Variants in POLR1A observed in about 807,000 individuals in gnomAD.
POLR1A encodes DNA-directed RNA polymerase I subunit RPA1.
A neutral mutation model predicts 205.3 loss-of-function variants in POLR1A; 84 were observed. The observed-to-expected ratio is 0.41, with a 90% CI of 0.34 to 0.49. The LOEUF is 0.49. POLR1A is among the 20% of genes least tolerant of loss of function. The pLI is 0.22. For missense variants in POLR1A, 1,645 were observed against 2,204.5 expected (o/e 0.75, Z 5.08); for synonymous variants, 799 against 863.7 (o/e 0.93, Z 1.31).
At chr2:86,054,009 G>T in intron 15 of POLR1A, 131 bp downstream of exon 15, 1 of 833,700 alleles carries the variant, frequency 1.2e-6, no homozygotes, top group Non-Finnish European at 1.9e-6. Flanking sequence ...AACAACTCAG[G>T]CACAACGCCT....
intron 3 of POLR1A, among the ~76,000 whole-genome samples, chr2:86,097,170 A>G (rs1162247526): frequency 6.9e-6 from 1 of 145,062 alleles, no homozygotes; most frequent in Non-Finnish European, 1.5e-5. Context: ...CAAAACCACA[A>G]TAAGGTTTCA....
intron 1 of POLR1A, among the ~76,000 whole-genome samples, chr2:86,103,221 G>A (rs987308977): frequency 2.2e-4 from 33 of 152,184 alleles, no homozygotes; most frequent in Admixed American, 5.9e-4. Context: ...CTTGGGCAAA[G>A]GCTGAAGGAG....
At position 86,080,988 on chromosome 2, in the gene POLR1A, G is replaced by A. The variant is rs1156695687; in HGVS notation, c.924-10C>T. Reference sequence around the variant, plus strand: ...ACTGACTGGGCGATACCTGCAGGGGGACATACGGAATAAATGAATGTTTAG... The same window carrying A: ...ACTGACTGGGCGATACCTGCAGGGGAACATACGGAATAAATGAATGTTTAG... On this transcript the variant is annotated splice_polypyrimidine_tract_variant and intron_variant, in intron 8 of 33. Transcript: ENST00000263857. 1 of 1,604,614 alleles carries A rather than the reference G, an allele frequency of 6.2e-7. No homozygotes were observed. The highest frequency in any genetic ancestry group is 2.2e-5 in the East Asian group (1 of 44,804).
rs1238021314 is a variant in POLR1A, at chr2:86,045,609, A to G, written c.2886+8T>C. 4 of 1,614,090 alleles carry G rather than the reference A, an allele frequency of 2.5e-6. No individual in the cohort carries two copies. Among genetic ancestry groups the G allele is most frequent in the Non-Finnish European group, 3.4e-6 (4 of 1,179,966 alleles). On this transcript the variant is annotated splice_region_variant and intron_variant, in intron 20 of 33. Transcript: ENST00000263857. Reference sequence around the variant, plus strand: ...GAAAAAGCTAAATGGAAAAACCAAAATACATACAGGAGGTTTGATGCCGGT... The same window carrying G: ...GAAAAAGCTAAATGGAAAAACCAAAGTACATACAGGAGGTTTGATGCCGGT...
chr2:86,045,652 C>G lies in POLR1A; in HGVS notation c.2851G>C (p.Val951Leu). The G allele has an allele frequency of 6.2e-7, 1 of 1,614,022 alleles. No homozygotes were observed. Residue 951 changes from valine (V) to leucine (L), a missense_variant, in exon 20 of 34, where the codon GTC becomes CTC. This residue lies in a region of POLR1A where 339 missense variants were observed against 415.1 expected (regional missense o/e 0.82). Coordinates refer to ENST00000263857, the MANE Select transcript of POLR1A (RefSeq NM_015425.6). ...YEFTPRAGGF[V>L]TGRFLTGIKP... Reference sequence around the variant, plus strand: ...ATGCCGGTGAGGAACCTGCCAGTGACAAAGCCACCAGCCCTGGGGGTGAAC... The same window carrying G: ...ATGCCGGTGAGGAACCTGCCAGTGAGAAAGCCACCAGCCCTGGGGGTGAAC...
chr2:86,033,150 T>C (rs1483576961), intron 28 of POLR1A, among the ~76,000 whole-genome samples: 1 of 152,204 alleles, frequency 6.6e-6, no homozygotes, highest in African/African-American at 2.4e-5. Context: ...GGCAGATATC[T>C]GATTATTTAT....
intron 19 of POLR1A, among the ~76,000 whole-genome samples, chr2:86,046,674 T>C (rs2104393597): frequency 6.6e-6 from 1 of 152,074 alleles, no homozygotes; most frequent in Middle Eastern, 3.4e-3. Flanking sequence ...TGAAACCCCG[T>C]CTCTACTAAA....
In POLR1A at chr2:86,038,700, C is replaced by T; in HGVS notation, c.4034G>A (p.Arg1345Lys). Residue 1345 changes from arginine (R) to lysine (K), a missense_variant and splice_region_variant, in exon 27 of 34, where the codon AGA (arginine) becomes AAA (lysine). Transcript: ENST00000263857. The part of the protein sequence containing the change: ...PEDILRFMET[R>K]FFKLLMESIK... Reference sequence around the variant, plus strand: ...TGACAATCACAGCCTGAGCCCTGACCTTGTTTCCATGAAGCGCAGGATGTC... The same window carrying T: ...TGACAATCACAGCCTGAGCCCTGACTTTGTTTCCATGAAGCGCAGGATGTC... The T allele has an allele frequency of 6.2e-7, 1 of 1,613,320 alleles. No individual in the cohort carries two copies. The highest frequency in any genetic ancestry group is 1.1e-5 in the South Asian group (1 of 91,034).
Position 86,070,896 on chromosome 2 carries a change from GCAATTAAAA to G in POLR1A, c.1612-633_1612-625del, listed in dbSNP as rs1397966953. Among the ~76,000 whole-genome samples, 1 of 151,854 alleles carries G rather than the reference GCAATTAAAA, an allele frequency of 6.6e-6. No homozygotes were observed. The highest frequency in any genetic ancestry group is 1.5e-5 in the Non-Finnish European group (1 of 67,988). On this transcript the variant is annotated intron_variant, in intron 12 of 33. Transcript: ENST00000263857. This position sits in a 1 kb window ranked among gnomAD's most constrained non-coding sequence, Gnocchi z 4.4. ...CTTTTGGGAACAGAGTTTGAAAATA[GCAATTAAAA>G]CACTTAAAACACATTTTCTGTTGGC... is the stretch of plus-strand genomic sequence containing the variant.
Position 86,041,888 on chromosome 2 carries a change from C to A in POLR1A, c.3572+1G>T. 1 of 1,612,218 alleles carries A rather than the reference C, an allele frequency of 6.2e-7. No individual in the cohort carries two copies. Among genetic ancestry groups the A allele is most frequent in the Non-Finnish European group, 8.5e-7 (1 of 1,178,264 alleles). ...GTTGTGCAACAAATCACTGTCAATA[C>A]CTGTCGAGAGAAAGCTCTGATTTCT... On this transcript the variant is annotated splice_donor_variant, in intron 24 of 33. Transcript: ENST00000263857. LOFTEE classifies it high-confidence loss of function.
At chr2:86,086,679 T>C (rs1673509780) in intron 6 of POLR1A, among the ~76,000 whole-genome samples, 1 of 151,900 alleles carries the variant, frequency 6.6e-6, no homozygotes, top group South Asian at 2.1e-4. Context: ...GCACAGACTT[T>C]TGGTTGCACC....
chr2:86,075,300 TA>T (rs773088770), intron 11 of POLR1A, 40 bp from the exon 12 acceptor site: 19 of 1,417,060 alleles, frequency 1.3e-5, no homozygotes, highest in Non-Finnish European at 1.8e-5. Flanking sequence ...AGGGCAGGGA[TA>T]AAAAAAGGTC....
intron 19 of POLR1A, among the ~76,000 whole-genome samples, chr2:86,046,619 G>A (rs1672714725): frequency 6.6e-6 from 1 of 152,126 alleles, no homozygotes; most frequent in Non-Finnish European, 1.5e-5. Context: ...GTCGAGGTGG[G>A]CAGATCACGA....
intron 27 of POLR1A, among the ~76,000 whole-genome samples, chr2:86,036,147 C>T (rs370085267): frequency 2.1e-4 from 32 of 152,298 alleles, no homozygotes; most frequent in South Asian, 4.1e-4. Context: ...GGTTTCTGAA[C>T]GCGCCTGGCA....
chr2:86,096,278 G>A (rs966746738), intron 3 of POLR1A, among the ~76,000 whole-genome samples: 1 of 152,088 alleles, frequency 6.6e-6, no homozygotes, highest in African/African-American at 2.4e-5. Flanking sequence ...AGAAACTGGA[G>A]AGGATACAAA....
In POLR1A at chr2:86,085,855, G is replaced by C. The variant is rs1573831025; in HGVS notation, c.731-2687C>G. The stretch of plus-strand genomic sequence containing the variant: ...AGGTGCCATAGGAAAAAGGGATTCA[G>C]AGGTCAAATAACCTGGGATCACAAT... On this transcript the variant is annotated intron_variant, in intron 6 of 33. Coordinates refer to ENST00000263857, the MANE Select transcript of POLR1A (RefSeq NM_015425.6). Among the ~76,000 whole-genome samples the C allele has an allele frequency of 3.9e-5, 6 of 152,322 alleles. No homozygotes were observed. The South Asian group carries it at 1.2e-3, about 32-fold the overall frequency.
At chr2:86,080,741 G>C in intron 9 of POLR1A, 75 bp downstream of exon 9, 1 of 1,399,470 alleles carries the variant, frequency 7.1e-7, no homozygotes. Context: ...CCCAGACCCA[G>C]TGTCTACATC....
intron 3 of POLR1A, among the ~76,000 whole-genome samples, chr2:86,094,454 T>C (rs1673669324): frequency 1.3e-5 from 2 of 152,242 alleles, no homozygotes; most frequent in Admixed American, 1.3e-4. Context: ...ACTTCCTTTC[T>C]GGCATGTGAC....
chr2:86,090,412 A>G (rs571538486), intron 3 of POLR1A, among the ~76,000 whole-genome samples: 196 of 149,876 alleles, frequency 1.3e-3, no homozygotes, highest in African/African-American at 4.6e-3. Flanking sequence ...AAAAAAATCA[A>G]ATGAGAACAT....
Sources: gnomAD v4.1 joint callset for allele counts (sites outside exome capture counted in the v4.1 genomes callset) on GRCh38, gnomAD v4.1.1 for gene constraint, gnomAD v4.1.1 regional missense constraint, Gnocchi (gnomAD v3.1) non-coding constraint, MANE v1.5 for transcripts, NCBI Gene and HGNC (gene_info 2026-07-23, HGNC 2026-07-21) for gene names.